RLF: variants seen among roughly 807,000 people sequenced by gnomAD.
RLF encodes zinc finger protein Rlf.
A neutral mutation model predicts 162.9 loss-of-function variants in RLF; 7 were observed. The observed-to-expected ratio is 0.04, with a 90% CI of 0.02 to 0.08. The LOEUF (loss-of-function observed/expected upper bound fraction) is 0.08, where lower values mean the gene tolerates loss of function less well. RLF is among the 10% of genes least tolerant of loss of function. The pLI, the probability that RLF is intolerant of heterozygous loss-of-function variation, is 1.00. For synonymous variants in RLF, 782 were observed against 791.5 expected, an observed-to-expected ratio of 0.99 and a Z score of 0.20; for missense variants, 1,664 against 2,244.7, an observed-to-expected ratio of 0.74 and a Z score of 5.23.
At chr1:40,225,992 G>A (rs1289511655) in intron 6 of RLF, among the ~76,000 whole-genome samples, 1 of 150,506 alleles carries the variant, frequency 6.6e-6, no homozygotes, top group Non-Finnish European at 1.5e-5. Flanking sequence ...TGGAGGTTGT[G>A]ATGAGCCAAG....
At chr1:40,194,545 C>T (rs905886534) in intron 3 of RLF, among the ~76,000 whole-genome samples, 1 of 149,468 alleles carries the variant, frequency 6.7e-6, no homozygotes, top group African/African-American at 2.5e-5. Flanking sequence ...GAGATTGAGG[C>T]AGGAGAATCG....
chr1:40,228,988 G>T (rs1478794037), intron 6 of RLF, among the ~76,000 whole-genome samples: 2 of 152,036 alleles, frequency 1.3e-5, no homozygotes, highest in Non-Finnish European at 2.9e-5. Flanking sequence ...TGTTTGGTTG[G>T]TTTTAGGGTC....
chr1:40,215,433 T>C (rs1358013125), intron 5 of RLF, among the ~76,000 whole-genome samples: 2 of 152,158 alleles, frequency 1.3e-5, no homozygotes, highest in Non-Finnish European at 2.9e-5. Flanking sequence ...ACATAAAGTA[T>C]GTTCTCTAAC....
chr1:40,220,602 A>G (rs1422238842), intron 5 of RLF, among the ~76,000 whole-genome samples: 1 of 152,214 alleles, frequency 6.6e-6, no homozygotes, highest in African/African-American at 2.4e-5. Flanking sequence ...AACCCTGACT[A>G]GACTGTGATA....
At chr1:40,214,548 A>G (rs1449234616) in intron 5 of RLF, among the ~76,000 whole-genome samples, 1 of 152,192 alleles carries the variant, frequency 6.6e-6, no homozygotes, top group Non-Finnish European at 1.5e-5. Flanking sequence ...TTTAGCAAGT[A>G]GGCTAATACA....
intron 1 of RLF, among the ~76,000 whole-genome samples, chr1:40,181,856 A>G (rs1283133250): frequency 6.6e-6 from 1 of 152,158 alleles, no homozygotes. Context: ...TCCACCCAGC[A>G]ATTCCATTTA....
At chr1:40,229,531 C>T (rs1185709531) in intron 6 of RLF, among the ~76,000 whole-genome samples, 98 of 148,188 alleles carry the variant, frequency 6.6e-4, no homozygotes, top group African/African-American at 2.2e-3. Context: ...CTCGGCTTAC[C>T]GCAACCTCCA....
At chr1:40,220,180 A>G (rs1642973757) in intron 5 of RLF, among the ~76,000 whole-genome samples, 1 of 152,138 alleles carries the variant, frequency 6.6e-6, no homozygotes, top group Non-Finnish European at 1.5e-5. Context: ...GTGAGCCAAG[A>G]TCACGCCACT....
chr1:40,191,014 T>TA (rs1642550170), intron 3 of RLF, among the ~76,000 whole-genome samples, 161 bp downstream of exon 3: 1 of 152,194 alleles, frequency 6.6e-6, no homozygotes, highest in Non-Finnish European at 1.5e-5. Context: ...GGGGATGTAT[T>TA]AAAAATGGGT....
At chr1:40,224,619 A>T (rs1451668759) in intron 6 of RLF, among the ~76,000 whole-genome samples, 5 of 65,112 alleles carry the variant, frequency 7.7e-5, no homozygotes, top group Non-Finnish European at 1.2e-4. Context: ...ATTGTTTTTG[A>T]AAGCTTTTTT....
intron 1 of RLF, among the ~76,000 whole-genome samples, chr1:40,163,929 TAGAGAA>T (rs1254629339): frequency 1.3e-5 from 2 of 152,334 alleles, no homozygotes; most frequent in East Asian, 3.9e-4. Context: ...GATGACCAGA[TAGAGAA>T]AAAGTAAAAA....
At chr1:40,205,606 C>T (rs1312680298) in intron 5 of RLF, among the ~76,000 whole-genome samples, 3 of 150,988 alleles carry the variant, frequency 2.0e-5, no homozygotes, top group Non-Finnish European at 4.4e-5. Flanking sequence ...TCTCCTGCCT[C>T]AGCCTCCCGA....
chr1:40,222,781 TTAATTTGTTTC>T, intron 6 of RLF, 71 bp downstream of exon 6: 3 of 1,370,984 alleles, frequency 2.2e-6, no homozygotes, highest in Non-Finnish European at 3.0e-6. Context: ...ATGTAAAATG[TTAATTTGTTTC>T]TAATTTAAAA....
chr1:40,221,850 A>C (rs1393782124), intron 5 of RLF, among the ~76,000 whole-genome samples: 1 of 144,812 alleles, frequency 6.9e-6, no homozygotes, highest in Non-Finnish European at 1.5e-5. Context: ...CAGTGAGCTG[A>C]GATCGCGCCA....
chr1:40,169,698 T>C (rs1183341346), intron 1 of RLF, among the ~76,000 whole-genome samples: 1 of 136,352 alleles, frequency 7.3e-6, no homozygotes, highest in Non-Finnish European at 1.5e-5. Flanking sequence ...GGATAAGCTT[T>C]TTTTTTTTTT....
chr1:40,170,508 A>C (rs1642229483), intron 1 of RLF, among the ~76,000 whole-genome samples: 1 of 152,142 alleles, frequency 6.6e-6, no homozygotes, highest in Non-Finnish European at 1.5e-5. Context: ...TGAGCCTCCC[A>C]AAGTGCTGGG....
chr1:40,200,147 C>T (rs1642691861), intron 4 of RLF, among the ~76,000 whole-genome samples: 1 of 152,186 alleles, frequency 6.6e-6, no homozygotes, highest in Non-Finnish European at 1.5e-5. Context: ...AAAAAACATA[C>T]ATCCCAAGGT....
At chr1:40,188,123 G>A (rs1570529410) in intron 1 of RLF, among the ~76,000 whole-genome samples, 1 of 151,976 alleles carries the variant, frequency 6.6e-6, no homozygotes, top group Non-Finnish European at 1.5e-5. Context: ...TTAAGAATAG[G>A]CAAAACCTAA....
At chr1:40,183,126 C>T (rs1302770660) in intron 1 of RLF, among the ~76,000 whole-genome samples, 1 of 152,030 alleles carries the variant, frequency 6.6e-6, no homozygotes, top group Non-Finnish European at 1.5e-5. Flanking sequence ...CTTTGGAGTC[C>T]TCCTGTTCCC....
Sources: gnomAD v4.1 joint callset for allele counts (sites outside exome capture counted in the v4.1 genomes callset) on GRCh38, gnomAD v4.1.1 for gene constraint, MANE v1.5 for transcripts, NCBI Gene and HGNC (gene_info 2026-07-23, HGNC 2026-07-21) for gene names.